Variants in CABYR observed in about 807,000 individuals in gnomAD.
The protein encoded by CABYR is calcium binding tyrosine phosphorylation regulated.
In CABYR, 31 loss-of-function variants were observed where a neutral mutation model predicts 36.1. That is an observed-to-expected ratio of 0.86 (90% confidence interval 0.64 to 1.16). The LOEUF is 1.16. Among genes scored for constraint, CABYR ranks in the 50% most tolerant of loss-of-function variants. CABYR has a pLI of 0.00. For missense variants in CABYR, 429 were observed against 455.8 expected, an observed-to-expected ratio of 0.94 and a Z score of 0.53; for synonymous variants, 146 against 160.7, an observed-to-expected ratio of 0.91 and a Z score of 0.69.
chr18:24,142,968 G>T, intron 1 of CABYR, 123 bp from the exon 2 acceptor site: 1 of 573,102 alleles, frequency 1.7e-6, no homozygotes, highest in Non-Finnish European at 2.8e-6. Context: ...GGGAGGCGGA[G>T]GTTGCAGTGA....
At chr18:24,149,930 CCT>C (rs1206374620) in intron 3 of CABYR, among the ~76,000 whole-genome samples, 1 of 152,252 alleles carries the variant, frequency 6.6e-6, no homozygotes, top group African/African-American at 2.4e-5. Context: ...CCCGCTGGCG[CCT>C]CTCCCTCCAC....
At chr18:24,156,755 C>T in intron 4 of CABYR, 1 of 1,614,130 alleles carries the variant, frequency 6.2e-7, no homozygotes, top group Non-Finnish European at 8.5e-7. Flanking sequence ...AATCTCTGCA[C>T]CTTGAAGTGG....
chr18:24,139,809 G>C (rs543957811), intron 1 of CABYR: 2 of 152,332 alleles, frequency 1.3e-5, no homozygotes, highest in African/African-American at 4.8e-5. Flanking sequence ...GTGAGAACTA[G>C]TGGGACGGGG....
intron 3 of CABYR, among the ~76,000 whole-genome samples, chr18:24,148,961 G>A (rs1303882420): frequency 6.6e-6 from 1 of 152,188 alleles, no homozygotes; most frequent in African/African-American, 2.4e-5. Context: ...GGCTCGAACA[G>A]CCTGCTTTTA....
At chr18:24,156,248 TAAAGA>T in intron 4 of CABYR, 1 of 1,614,144 alleles carries the variant, frequency 6.2e-7, no homozygotes, top group Non-Finnish European at 8.5e-7. Context: ...GTTCTCAACC[TAAAGA>T]AAATGAGGCT....
chr18:24,140,463 T>C (rs1391804269), intron 1 of CABYR, among the ~76,000 whole-genome samples: 1 of 151,346 alleles, frequency 6.6e-6, no homozygotes. Context: ...TATATATTTA[T>C]GGGGCACATG....
chr18:24,159,357 C>T (rs573085606), intron 4 of CABYR, 115 bp from the exon 5 acceptor site: 23 of 724,046 alleles, frequency 3.2e-5, no homozygotes, highest in Admixed American at 1.2e-4. Flanking sequence ...GCATGCTCTA[C>T]GGTACATATC....
intron 3 of CABYR, among the ~76,000 whole-genome samples, chr18:24,148,392 CT>C (rs1288878591): frequency 2.0e-5 from 3 of 152,126 alleles, no homozygotes; most frequent in African/African-American, 7.2e-5. Context: ...ACTAATCTAG[CT>C]AAGATTATCT....
intron 5 of CABYR, chr18:24,160,349 T>TAACAAACA: frequency 2.7e-6 from 1 of 373,898 alleles, no homozygotes; most frequent in South Asian, 4.4e-5. Flanking sequence ...GTCCATTGTC[T>TAACAAACA]AACAAACACA....
At chr18:24,139,442 C>T (rs546559108) in intron 1 of CABYR, 1 of 152,366 alleles carries the variant, frequency 6.6e-6, no homozygotes, top group African/African-American at 2.4e-5. Flanking sequence ...CGGGGGCCCA[C>T]ATCCCGGAGG....
At chr18:24,150,567 AAAG>A in intron 3 of CABYR, 1 of 984,128 alleles carries the variant, frequency 1.0e-6, no homozygotes, top group Non-Finnish European at 1.2e-6. Flanking sequence ...TTGAATGAAG[AAAG>A]AATGGATGGA....
intron 2 of CABYR, 33 bp from the exon 3 acceptor site, chr18:24,143,327 T>G (rs767540119): frequency 6.3e-7 from 1 of 1,595,282 alleles, no homozygotes; most frequent in Non-Finnish European, 8.6e-7. Flanking sequence ...ATTTCATGTA[T>G]CTGTATTTGA....
At chr18:24,149,844 C>T (rs964144990) in intron 3 of CABYR, among the ~76,000 whole-genome samples, 1 of 152,232 alleles carries the variant, frequency 6.6e-6, no homozygotes, top group Non-Finnish European at 1.5e-5. Context: ...GCCCGCTGCT[C>T]GGAATGCGGG....
At chr18:24,157,060 A>G in intron 4 of CABYR, 3 of 1,316,728 alleles carry the variant, frequency 2.3e-6, no homozygotes, top group Non-Finnish European at 3.2e-6. Context: ...TATTTCAGGT[A>G]GCCATCTCTG....
intron 3 of CABYR, among the ~76,000 whole-genome samples, chr18:24,151,937 G>T (rs181262366): frequency 1.1e-3 from 168 of 152,232 alleles, no homozygotes; most frequent in African/African-American, 3.9e-3. Context: ...TGATCTGCCT[G>T]CCTCAGCCTC....
In CABYR at chr18:24,150,658, C is replaced by G. The variant is rs180679631; in HGVS notation, c.200-5043C>G. 219 of 664,458 alleles carry G rather than the reference C, an allele frequency of 3.3e-4. No individual in the cohort carries two copies. The African/African-American group carries it at 4.1e-3, about 12-fold the overall frequency. The allele number at this position is 664,458 out of a possible 1,614,324, so 41.2% of individuals were successfully genotyped here. On this transcript the variant is annotated intron_variant, in intron 3 of 5. Coordinates refer to ENST00000399496, the MANE Select transcript of CABYR (RefSeq NM_153769.3). ...TATTCTCATTCCAATCAGTTCAATA[C>G]AGACTAGTTGGAATCTTTTGTTTTA...
chr18:24,144,700 A>G (rs1161286412), intron 3 of CABYR, among the ~76,000 whole-genome samples: 1 of 152,234 alleles, frequency 6.6e-6, no homozygotes, highest in Admixed American at 6.5e-5. Context: ...GATCAGAGAC[A>G]GAGCTTACCC....
chr18:24,144,357 T>C (rs2085405848), intron 3 of CABYR, among the ~76,000 whole-genome samples: 2 of 152,196 alleles, frequency 1.3e-5, no homozygotes, highest in Admixed American at 1.3e-4. Context: ...AGGCCTTAGA[T>C]GCTACAGAGT....
chr18:24,143,025 A>G (rs1297918524), intron 1 of CABYR, 66 bp from the exon 2 acceptor site: 1 of 904,944 alleles, frequency 1.1e-6, no homozygotes, highest in Non-Finnish European at 1.5e-6. Context: ...AGAGTCTCAA[A>G]AAAAAAAAAA....
Sources: gnomAD v4.1 joint callset for allele counts (sites outside exome capture counted in the v4.1 genomes callset) on GRCh38, gnomAD v4.1.1 for gene constraint, MANE v1.5 for transcripts, NCBI Gene and HGNC (gene_info 2026-07-23, HGNC 2026-07-21) for gene names.